SEPTIN10: variants seen among roughly 807,000 people sequenced by gnomAD.
SEPTIN10 encodes septin 10, also known as septin-10.
SEPTIN10 carries 66 observed loss-of-function variants against 54.8 expected under a neutral mutation model. The ratio of observed to expected loss-of-function variants is 1.21; its 90% CI spans 0.99 to 1.48. SEPTIN10 has a LOEUF of 1.48. Among genes scored for constraint, SEPTIN10 ranks in the 40% most tolerant of loss-of-function variants. The pLI is 0.00. For synonymous variants in SEPTIN10, 161 were observed against 181.0 expected (o/e 0.89, Z 0.89); for missense variants, 620 against 545.6 (o/e 1.14, Z -1.36).
intron 8 of SEPTIN10, among the ~76,000 whole-genome samples, chr2:109,553,727 G>A (rs762153579): frequency 1.8e-4 from 27 of 151,712 alleles, no homozygotes; most frequent in Non-Finnish European, 3.4e-4. Context: ...GGTGGCGTGC[G>A]CCTGTAGTCC....
Position 109,594,876 on chromosome 2 carries a change from A to G in SEPTIN10, c.31-1757T>C, listed in dbSNP as rs1166904956. 2.6e-5 allele frequency: 4 copies of G among 151,142 alleles called. No individual in the cohort carries two copies. In the East Asian group the frequency reaches 5.8e-4, roughly 22 times the overall value. The allele number at this position is 151,142 out of a possible 1,614,324, so 9.4% of individuals were successfully genotyped here. Reference sequence around the variant, plus strand: ...AAATAGGCTGACCTTGTGACTGAACACTCCGAATAACAATGTGTTTTTTTT... The same window carrying G: ...AAATAGGCTGACCTTGTGACTGAACGCTCCGAATAACAATGTGTTTTTTTT... On this transcript the variant is annotated intron_variant, in intron 1 of 10. Coordinates refer to ENST00000397712, the MANE Select transcript of SEPTIN10 (RefSeq NM_144710.5).
In SEPTIN10 at chr2:109,585,708, A is replaced by G. The variant is rs200744506; in HGVS notation, c.217+13T>C. On this transcript the variant is annotated intron_variant, in intron 3 of 10. Coordinates refer to ENST00000397712, the MANE Select transcript of SEPTIN10 (RefSeq NM_144710.5). The stretch of plus-strand genomic sequence containing the variant: ...TGAAGGAACAACTTAGAGGAAGAGT[A>G]GGTGGCACGTACCCACACAGAGAAT... The G allele has an allele frequency of 2.9e-5, 44 of 1,542,448 alleles. No individual in the cohort carries two copies. In the East Asian group the frequency reaches 9.0e-4, roughly 31 times the overall value.
At chr2:109,565,355 T>G (rs1357352344) in intron 7 of SEPTIN10, among the ~76,000 whole-genome samples, 1 of 152,176 alleles carries the variant, frequency 6.6e-6, no homozygotes, top group Non-Finnish European at 1.5e-5. Context: ...TCAAGTAGAT[T>G]TAACTTTTTA....
chr2:109,592,955 T>G, intron 2 of SEPTIN10, 96 bp downstream of exon 2: 1 of 708,008 alleles, frequency 1.4e-6, no homozygotes. Flanking sequence ...AACAGAAGTC[T>G]CTATCACAAG....
intron 4 of SEPTIN10, among the ~76,000 whole-genome samples, chr2:109,583,027 T>G (rs1691590296): frequency 6.6e-6 from 1 of 152,024 alleles, no homozygotes; most frequent in Non-Finnish European, 1.5e-5. Flanking sequence ...AAAAATTAAC[T>G]CAAGATGGAT....
In SEPTIN10 at chr2:109,554,772, A is replaced by T. The variant is rs183847652; in HGVS notation, c.1029-1553T>A. On this transcript the variant is annotated intron_variant, in intron 8 of 10. Coordinates refer to ENST00000397712, the MANE Select transcript of SEPTIN10 (RefSeq NM_144710.5). ...CCTCATATATGTAACAGGTACCAAT[A>T]TTTTTTTACACATGGTAACCCAAAA... Among the ~76,000 whole-genome samples, 5 of 152,206 alleles carry T rather than the reference A, an allele frequency of 3.3e-5. No homozygotes were observed. The East Asian group carries it at 9.6e-4, about 29-fold the overall frequency.
intron 7 of SEPTIN10, among the ~76,000 whole-genome samples, chr2:109,564,779 A>G (rs542993668): frequency 4.5e-4 from 68 of 152,352 alleles, no homozygotes; most frequent in African/African-American, 1.6e-3. Flanking sequence ...TAGCCAATGA[A>G]TCACCAGGAA....
At chr2:109,544,750 T>C in intron 10 of SEPTIN10, 1 of 831,438 alleles carries the variant, frequency 1.2e-6, no homozygotes, top group Non-Finnish European at 1.4e-6. Context: ...AATTCAATGC[T>C]TGAATAAAAT....
chr2:109,613,240 C>A, intron 1 of SEPTIN10: 1 of 1,236,514 alleles, frequency 8.1e-7, no homozygotes, highest in Non-Finnish European at 1.1e-6. Flanking sequence ...TGGAAAGGTT[C>A]AAAACAGTGA....
chr2:109,568,014 T>A (rs776593947), intron 5 of SEPTIN10, 38 bp from the exon 6 acceptor site: 1 of 727,500 alleles, frequency 1.4e-6, no homozygotes, highest in South Asian at 3.3e-5. Context: ...TTACTGAGGA[T>A]TTTTTTTTTT....
intron 5 of SEPTIN10, among the ~76,000 whole-genome samples, chr2:109,571,991 A>G (rs934399491): frequency 6.6e-6 from 1 of 152,232 alleles, no homozygotes; most frequent in East Asian, 1.9e-4. Context: ...TGTGCCTGTT[A>G]ATTTTTAAAT....
chr2:109,613,007 C>A (rs1699594981), intron 1 of SEPTIN10: 1 of 488,998 alleles, frequency 2.0e-6, no homozygotes, highest in South Asian at 1.5e-5. Flanking sequence ...TTTGTTTACA[C>A]AGATGAAAAC....
chr2:109,570,186 C>G (rs1207706752), intron 5 of SEPTIN10, among the ~76,000 whole-genome samples: 1 of 152,160 alleles, frequency 6.6e-6, no homozygotes, highest in Non-Finnish European at 1.5e-5. Context: ...AAGGCAGTCC[C>G]AATTTTAGAA....
chr2:109,581,078 T>C (rs1691004762), intron 4 of SEPTIN10, among the ~76,000 whole-genome samples: 1 of 152,244 alleles, frequency 6.6e-6, no homozygotes. Context: ...TTTCCTATAT[T>C]AGAGCTATGC....
chr2:109,545,747 C>T, intron 10 of SEPTIN10: 1 of 1,427,586 alleles, frequency 7.0e-7, no homozygotes, highest in Non-Finnish European at 9.1e-7. Flanking sequence ...CTGGGCTATT[C>T]AATAAGAGCA....
intron 1 of SEPTIN10, chr2:109,613,370 C>T (rs2106412590): frequency 3.0e-6 from 1 of 337,868 alleles, no homozygotes; most frequent in Non-Finnish European, 5.7e-6. Flanking sequence ...TTTTGAAAAG[C>T]CAGGGGAGCC....
chr2:109,556,437 A>C (rs1193876471), intron 8 of SEPTIN10, among the ~76,000 whole-genome samples: 1 of 152,226 alleles, frequency 6.6e-6, no homozygotes, highest in Admixed American at 6.5e-5. Flanking sequence ...AGTTCAAAGA[A>C]ACGCAGAGTA....
At chr2:109,591,029 G>A (rs1224893262) in intron 2 of SEPTIN10, among the ~76,000 whole-genome samples, 3 of 152,176 alleles carry the variant, frequency 2.0e-5, no homozygotes, top group Non-Finnish European at 4.4e-5. Context: ...AACAGATGCC[G>A]TTTTAAGCCG....
At chr2:109,602,449 G>A (rs1696808077) in intron 1 of SEPTIN10, among the ~76,000 whole-genome samples, 1 of 152,140 alleles carries the variant, frequency 6.6e-6, no homozygotes. Flanking sequence ...GCCAAGGCGG[G>A]TGGATCACCT....
Sources: allele counts gnomAD v4.1 joint callset (sites outside exome capture counted in the v4.1 genomes callset), GRCh38; gene constraint gnomAD v4.1.1; transcripts MANE v1.5; gene names NCBI Gene and HGNC (gene_info 2026-07-23, HGNC 2026-07-21).